DCST1: variants seen among roughly 807,000 people sequenced by gnomAD.
The protein encoded by DCST1 is E3 ubiquitin-protein ligase DCST1.
DCST1 carries 78 observed loss-of-function variants against 89.1 expected under a neutral mutation model. The ratio of observed to expected loss-of-function variants is 0.88; its 90% CI spans 0.73 to 1.06. The LOEUF is 1.06. Among genes scored for constraint, DCST1 ranks in the 50% least tolerant of loss-of-function variants. DCST1 has a pLI of 0.00. For missense variants in DCST1, 900 were observed against 928.6 expected, an observed-to-expected ratio of 0.97 and a Z score of 0.40; for synonymous variants, 364 against 371.9, an observed-to-expected ratio of 0.98 and a Z score of 0.24.
chr1:155,035,885 G>A (rs957244058), intron 4 of DCST1, among the ~76,000 whole-genome samples: 1 of 151,902 alleles, frequency 6.6e-6, no homozygotes, highest in Non-Finnish European at 1.5e-5. Flanking sequence ...AGTGGAGATC[G>A]TGCCACTGCA....
rs766728250 is a variant in DCST1, at chr1:155,047,858, G to A, written c.1684G>A (p.Val562Met). ...WRAAVPIGLL[V>M]CLCLLQAFGY... ...AGCTGCAGTACCGATTGGCCTGTTA[G>A]TGTGTCTCTGCCTGTTACAGGCTTT... Residue 562 changes from valine (V) to methionine (M), a missense_variant, in exon 15 of 17, where the codon GTG becomes ATG. Physicochemically the swap from Val to Met is conservative, Grantham distance 21 (BLOSUM62 1). Coordinates refer to ENST00000295542, the MANE Select transcript of DCST1 (RefSeq NM_152494.4). 8 of 1,614,102 alleles carry A rather than the reference G, an allele frequency of 5.0e-6. No individual in the cohort carries two copies. Among genetic ancestry groups the A allele is most frequent in the Non-Finnish European group, 6.8e-6 (8 of 1,180,048 alleles).
At chr1:155,038,332 C>T (rs1419633752) in intron 4 of DCST1, among the ~76,000 whole-genome samples, 1 of 152,196 alleles carries the variant, frequency 6.6e-6, no homozygotes, top group African/African-American at 2.4e-5. Context: ...GATTTTATAC[C>T]AAATGTGGTA....
Position 155,048,098 on chromosome 1 carries a change from GAAGAA to G in DCST1, c.1802_1806del (p.Lys601SerfsTer94). ...TCCTGTTCCTCTACAATGACCTATTGAAGAAAAGAGCAGCCTTCACCAAACTCAGG... is the reference window on the plus strand; with the variant it reads ...TCCTGTTCCTCTACAATGACCTATTGAAGAGCAGCCTTCACCAAACTCAGG... On this transcript the variant is annotated frameshift_variant, in exon 16 of 17. Transcript: ENST00000295542. LOFTEE classifies it high-confidence loss of function. 6.2e-7 allele frequency: 1 copy of G among 1,613,938 alleles called. No homozygotes were observed. The highest frequency in any genetic ancestry group is 8.5e-7 in the Non-Finnish European group (1 of 1,179,984).
intron 4 of DCST1, among the ~76,000 whole-genome samples, chr1:155,036,831 C>G (rs1012561162): frequency 3.9e-5 from 6 of 152,252 alleles, no homozygotes; most frequent in African/African-American, 1.4e-4. Context: ...GTGAAGCCCC[C>G]CTTCAGGGGC....
In DCST1 at chr1:155,040,581, G is replaced by C. The variant is rs147253891; in HGVS notation, c.488G>C (p.Arg163Pro). The change falls in exon 6 of 17, where the codon CGC becomes CCC. Residue 163 changes from arginine (R) to proline (P), a missense_variant. Coordinates refer to ENST00000295542, the MANE Select transcript of DCST1 (RefSeq NM_152494.4). ...LQINNTRAAW[R>P]ISTAPLRAMF... ...ATCAACAACACCCGCGCAGCTTGGC[G>C]CATCTCCACAGCCCCCTTACGGGCC... 9.4e-4 allele frequency: 1,497 copies of C among 1,586,664 alleles called. 4 individuals are homozygous for C. Among genetic ancestry groups the C allele is most frequent in the Non-Finnish European group, 9.9e-4 (1,157 of 1,165,652 alleles).
chr1:155,045,098 G>A (rs1660574521), intron 10 of DCST1: 1 of 152,232 alleles, frequency 6.6e-6, no homozygotes, highest in African/African-American at 2.4e-5. Context: ...CCACAAGAGG[G>A]CACTCACAGT....
chr1:155,038,005 A>G (rs1370239040), intron 4 of DCST1, among the ~76,000 whole-genome samples: 1 of 152,246 alleles, frequency 6.6e-6, no homozygotes, highest in East Asian at 1.9e-4. Flanking sequence ...GGGCCAGGCT[A>G]TTGCCCTTGC....
intron 6 of DCST1, 135 bp from the exon 7 acceptor site, chr1:155,041,262 G>A (rs1408922484): frequency 2.3e-6 from 2 of 856,684 alleles, no homozygotes; most frequent in Non-Finnish European, 3.7e-6. Context: ...GAGAGGCTGT[G>A]TCTCAGGGCC....
At chr1:155,040,333 A>G (rs1571561441) in intron 5 of DCST1, 152 bp from the exon 6 acceptor site, 2 of 826,248 alleles carry the variant, frequency 2.4e-6, no homozygotes, top group Non-Finnish European at 3.5e-6. Flanking sequence ...AGTGAAAAAA[A>G]TCAAAGGTTG....
intron 2 of DCST1, 71 bp downstream of exon 2, chr1:155,034,168 T>C (rs1289843522): frequency 6.3e-7 from 1 of 1,594,220 alleles, no homozygotes; most frequent in East Asian, 2.2e-5. Context: ...CTGGAACTCC[T>C]GCACACTATC....
intron 10 of DCST1, chr1:155,045,574 TC>T: frequency 5.1e-6 from 2 of 395,916 alleles, no homozygotes; most frequent in South Asian, 4.9e-5. Flanking sequence ...TGCATGCCTG[TC>T]CCTACCTCAG....
At chr1:155,034,823 T>C (rs900217176) in intron 4 of DCST1, 96 bp downstream of exon 4, 41 of 1,318,988 alleles carry the variant, frequency 3.1e-5, no homozygotes, top group Non-Finnish European at 3.8e-5. Context: ...GTTTCTTCTG[T>C]ACCCATACAT....
At chr1:155,041,350 C>T (rs1191685500) in intron 6 of DCST1, 47 bp from the exon 7 acceptor site, 1 of 1,602,350 alleles carries the variant, frequency 6.2e-7, no homozygotes, top group East Asian at 2.2e-5. Context: ...AGCAGAAGTT[C>T]TAAAGCCCCA....
chr1:155,044,209 T>C (rs1660531572), intron 10 of DCST1, among the ~76,000 whole-genome samples: 1 of 152,176 alleles, frequency 6.6e-6, no homozygotes, highest in Non-Finnish European at 1.5e-5. Flanking sequence ...TCGCCAGGCA[T>C]GGCGGCTCAC....
chr1:155,043,623 T>A, intron 10 of DCST1, 114 bp downstream of exon 10: 1 of 1,266,980 alleles, frequency 7.9e-7, no homozygotes. Flanking sequence ...TGAATCTGAA[T>A]ATTATTTACC....
intron 4 of DCST1, among the ~76,000 whole-genome samples, chr1:155,035,837 G>A (rs1162932272): frequency 6.6e-6 from 1 of 152,044 alleles, no homozygotes; most frequent in Non-Finnish European, 1.5e-5. Context: ...GGCTGAGGCA[G>A]GAGGCTTGCT....
chr1:155,049,364 GA>G, intron 16 of DCST1: 2 of 355,222 alleles, frequency 5.6e-6, no homozygotes, highest in East Asian at 4.5e-5. Context: ...TTTCTCACCT[GA>G]AAAAAAGGAG....
At chr1:155,041,301 C>A in intron 6 of DCST1, 96 bp from the exon 7 acceptor site, 1 of 1,334,734 alleles carries the variant, frequency 7.5e-7, no homozygotes, top group Non-Finnish European at 1.0e-6. Context: ...GGGGTGAGAA[C>A]CCAAAGCTTG....
intron 6 of DCST1, among the ~76,000 whole-genome samples, chr1:155,040,834 C>T (rs1009045506): frequency 3.9e-5 from 6 of 152,228 alleles, no homozygotes; most frequent in African/African-American, 1.2e-4. Context: ...ATGCTCTATA[C>T]ACATTTCCTA....
Sources: gnomAD v4.1 joint callset for allele counts (sites outside exome capture counted in the v4.1 genomes callset) on GRCh38, gnomAD v4.1.1 for gene constraint, MANE v1.5 for transcripts, NCBI Gene and HGNC (gene_info 2026-07-23, HGNC 2026-07-21) for gene names.